CNNM3: variants seen among roughly 807,000 people sequenced by gnomAD.
CNNM3 encodes cyclin and CBS domain divalent metal cation transport mediator 3.
In CNNM3, 47 loss-of-function variants were observed where a neutral mutation model predicts 57.1. The ratio of observed to expected loss-of-function variants is 0.82; its 90% confidence interval spans 0.65 to 1.05. The LOEUF (loss-of-function observed/expected upper bound fraction) is 1.05, where lower values mean the gene tolerates loss of function less well. CNNM3 is among the 50% of genes least tolerant of loss of function. The probability of loss-of-function intolerance (pLI) is 0.00; values close to 1 mark genes in which losing one functional copy is unlikely to be tolerated. For missense variants in CNNM3, 957 were observed against 973.7 expected (o/e 0.98, Z 0.23); for synonymous variants, 507 against 478.2 (o/e 1.06, Z -0.79).
chr2:96,827,036 A>T (rs2079519768), intron 3 of CNNM3, 54 bp downstream of exon 3: 8 of 1,586,700 alleles, frequency 5.0e-6, no homozygotes, highest in Non-Finnish European at 6.9e-6. Flanking sequence ...TCTGTGGGTC[A>T]GGAGGCCGCC....
In CNNM3 at chr2:96,825,141, C is replaced by G; in HGVS notation, c.1309C>G (p.Leu437Val). The part of the protein sequence containing the change: ...PFYEVLGLVT[L>V]EDVIEEIIRS... ...CTACGAGGTCCTGGGCCTGGTCACCCTGGAGGACGTGATCGAGGAGATCAT... is the reference window on the plus strand; with the variant it reads ...CTACGAGGTCCTGGGCCTGGTCACCGTGGAGGACGTGATCGAGGAGATCAT... Residue 437 changes from leucine to valine, a missense_variant, in exon 2 of 8, where the codon CTG (leucine) becomes GTG (valine). By Grantham distance (32) the Leu-to-Val change is conservative. Coordinates refer to ENST00000305510, the MANE Select transcript of CNNM3 (RefSeq NM_017623.5). 6.2e-7 allele frequency: 1 copy of G among 1,614,144 alleles called. No individual in the cohort carries two copies. Among genetic ancestry groups the G allele is most frequent in the Non-Finnish European group, 8.5e-7 (1 of 1,180,008 alleles).
Position 96,832,798 on chromosome 2 carries a change from G to A in CNNM3, c.*182G>A, listed in dbSNP as rs942019562. 1.7e-5 allele frequency: 26 copies of A among 1,499,526 alleles called. No individual in the cohort carries two copies. Among genetic ancestry groups the A allele is most frequent in the Admixed American group, 1.5e-4 (7 of 47,984 alleles). 92.9% of individuals were successfully genotyped at this position (1,499,526 alleles called of 1,614,324 possible). ...ACATCAATGCCTGGATCCTTCAGCCGGCCCTGCCCTCCTTTAGGAGACAGG... is the reference window on the plus strand; with the variant it reads ...ACATCAATGCCTGGATCCTTCAGCCAGCCCTGCCCTCCTTTAGGAGACAGG... On this transcript the variant is annotated 3_prime_UTR_variant, in exon 8 of 8. Transcript: ENST00000305510.
rs1231863791 is a variant in CNNM3, at chr2:96,833,001, T to G, written c.*385T>G. Reference sequence around the variant, plus strand: ...TGTGAGTGCAGTTACTGCCTTTGTGTGGCCGTGACCTCTATTTGTTTGCTT... The same window carrying G: ...TGTGAGTGCAGTTACTGCCTTTGTGGGGCCGTGACCTCTATTTGTTTGCTT... On this transcript the variant is annotated 3_prime_UTR_variant, in exon 8 of 8. Coordinates refer to ENST00000305510, the MANE Select transcript of CNNM3 (RefSeq NM_017623.5). 1.5e-6 allele frequency: 2 copies of G among 1,327,680 alleles called. No homozygotes were observed. Among genetic ancestry groups the G allele is most frequent in the Admixed American group, 4.5e-5 (2 of 44,602 alleles). The allele number at this position is 1,327,680 out of a possible 1,614,324, so 82.2% of individuals were successfully genotyped here.
chr2:96,827,886 A>G lies in CNNM3; in HGVS notation c.1675A>G (p.Ile559Val). 2 of 1,612,312 alleles carry G rather than the reference A, an allele frequency of 1.2e-6. No individual in the cohort carries two copies. The highest frequency in any genetic ancestry group is 1.1e-5 in the South Asian group (1 of 90,998). Reference protein sequence around the residue: ...YQRSQPVDYFILILQGRVEVE... With the variant: ...YQRSQPVDYFVLILQGRVEVE... Reference sequence around the variant, plus strand: ...GCGCAGCCAGCCGGTGGATTACTTCATTCTCATCCTGCAGGTAGCTGTGGG... The same window carrying G: ...GCGCAGCCAGCCGGTGGATTACTTCGTTCTCATCCTGCAGGTAGCTGTGGG... Residue 559 changes from isoleucine to valine, a missense_variant, in exon 4 of 8, where the codon ATT (isoleucine) becomes GTT (valine). Around this residue, in one of 2 missense-constraint regions of CNNM3, gnomAD observed 491 missense variants for 570.6 expected, o/e 0.86. Transcript: ENST00000305510.
chr2:96,831,102 C>T (rs916306764), intron 7 of CNNM3, among the ~76,000 whole-genome samples: 2 of 152,158 alleles, frequency 1.3e-5, no homozygotes, highest in African/African-American at 4.8e-5. Flanking sequence ...TTCACTGGGC[C>T]GTCCTGTAAG....
Position 96,816,283 on chromosome 2 carries a change from G to GGCGGCGGTAGCT in CNNM3, c.14_25dup (p.Val5_Ala8dup), listed in dbSNP as rs781140937. 6.1e-5 allele frequency: 80 copies of GGCGGCGGTAGCT among 1,305,186 alleles called. No individual in the cohort carries two copies. The highest frequency in any genetic ancestry group is 7.0e-5 in the Non-Finnish European group (72 of 1,028,914). The allele number at this position is 1,305,186 out of a possible 1,614,324, so 80.9% of individuals were successfully genotyped here. A position where few individuals can be genotyped will look rare whatever the true frequency, so the allele number is the denominator to read the frequency against. The stretch of plus-strand genomic sequence containing the variant: ...CCGAGAGGGGGCAGCAGGCGATGGC[G>GGCGGCGGTAGCT]GCGGCGGTAGCTGCGGCGGGTCGGT... On this transcript the variant is annotated inframe_insertion, in exon 1 of 8. Transcript: ENST00000305510.
rs376394445 is a variant in CNNM3 at position 96,827,862 on chromosome 2, C to T, written c.1651C>T (p.Arg551Cys). 1.5e-5 allele frequency: 25 copies of T among 1,613,902 alleles called. No individual in the cohort carries two copies. Among genetic ancestry groups the T allele is most frequent in the Middle Eastern group, 3.3e-4 (2 of 6,060 alleles). Residue 551 changes from arginine to cysteine, a missense_variant, in exon 4 of 8, where the codon CGC becomes TGC. Transcript: ENST00000305510. Reference protein sequence around the residue: ...RLATHHYLYQRSQPVDYFILI... With the variant: ...RLATHHYLYQCSQPVDYFILI... ...GGCCACACACCACTACCTGTACCAGCGCAGCCAGCCGGTGGATTACTTCAT... is the reference window on the plus strand; with the variant it reads ...GGCCACACACCACTACCTGTACCAGTGCAGCCAGCCGGTGGATTACTTCAT...
At chr2:96,825,690 C>T (rs1028860088) in intron 2 of CNNM3, among the ~76,000 whole-genome samples, 3 of 141,486 alleles carry the variant, frequency 2.1e-5, no homozygotes, top group Non-Finnish European at 4.4e-5. Context: ...ATCACGAGAT[C>T]GGGAGTTCGA....
At position 96,816,733 on chromosome 2, in the gene CNNM3, A is replaced by G; in HGVS notation, c.456A>G (p.Arg152=). Residue 152 remains arginine (R), a synonymous_variant, in exon 1 of 8, where the codon CGA becomes CGG. Transcript: ENST00000305510. ...TGCTGGCGCTGGCAGCGCTGGCGCGAGGCCTGCAGCTGAGCGCGCTGGCGC... is the reference window on the plus strand; with the variant it reads ...TGCTGGCGCTGGCAGCGCTGGCGCGGGGCCTGCAGCTGAGCGCGCTGGCGC... ...AGLLALAALA[R]GLQLSALALA... is the part of the protein sequence containing the mutation. 1 of 1,012,778 alleles carries G rather than the reference A, an allele frequency of 9.9e-7. No homozygotes were observed. Among genetic ancestry groups the G allele is most frequent in the Non-Finnish European group, 1.2e-6 (1 of 850,236 alleles). 62.7% of individuals were successfully genotyped at this position (1,012,778 alleles called of 1,614,324 possible). A position where few individuals can be genotyped will look rare whatever the true frequency, so the allele number is the denominator to read the frequency against.
In CNNM3 at chr2:96,827,915, C is replaced by T. The variant is rs2079537290; in HGVS notation, c.1689+15C>T. ...TCATCCTGCAGGTAGCTGTGGGTCC[C>T]AGGCCTGGAGTCCCTCCTGCTTCCT... On this transcript the variant is annotated intron_variant, in intron 4 of 7. Transcript: ENST00000305510. The T allele has an allele frequency of 1.2e-6, 2 of 1,607,542 alleles. No individual in the cohort carries two copies. The highest frequency in any genetic ancestry group is 1.7e-6 in the Non-Finnish European group (2 of 1,175,464).
chr2:96,825,749 A>G (rs1158923341), intron 2 of CNNM3, among the ~76,000 whole-genome samples: 2 of 152,164 alleles, frequency 1.3e-5, no homozygotes, highest in African/African-American at 4.8e-5. Context: ...AAAAATACAA[A>G]CATTAGCTGG....
At position 96,825,085 on chromosome 2, in the gene CNNM3, A is replaced by G; in HGVS notation, c.1253A>G (p.Lys418Arg). Reference sequence around the variant, plus strand: ...AAGTCCCACCTGGCCATCGTGCAGAAGGTGAACAACGAGGGTGAAGGCGAC... The same window carrying G: ...AAGTCCCACCTGGCCATCGTGCAGAGGGTGAACAACGAGGGTGAAGGCGAC... The part of the protein sequence containing the change: ...RGKSHLAIVQ[K>R]VNNEGEGDPF... The change falls in exon 2 of 8, where the codon AAG becomes AGG. Residue 418 changes from lysine (K) to arginine (R), a missense_variant. By Grantham distance (26) the Lys-to-Arg change is conservative. Coordinates refer to ENST00000305510, the MANE Select transcript of CNNM3 (RefSeq NM_017623.5). 6.2e-7 allele frequency: 1 copy of G among 1,613,486 alleles called. No homozygotes were observed. Among genetic ancestry groups the G allele is most frequent in the East Asian group, 2.2e-5 (1 of 44,868 alleles).
In CNNM3 at chr2:96,832,780, T is replaced by C. The variant is rs980815975; in HGVS notation, c.*164T>C. The C allele has an allele frequency of 6.6e-7, 1 of 1,504,092 alleles. No individual in the cohort carries two copies. The highest frequency in any genetic ancestry group is 8.9e-7 in the Non-Finnish European group (1 of 1,128,894). The allele number at this position is 1,504,092 out of a possible 1,614,324, so 93.2% of individuals were successfully genotyped here. On this transcript the variant is annotated 3_prime_UTR_variant, in exon 8 of 8. Transcript: ENST00000305510. ...GGGTGTCCTCAGAACTAGACATCAA[T>C]GCCTGGATCCTTCAGCCGGCCCTGC...
chr2:96,832,688 T>G lies in CNNM3; in HGVS notation c.*72T>G. 1 of 1,598,658 alleles carries G rather than the reference T, an allele frequency of 6.3e-7. No homozygotes were observed. Among genetic ancestry groups the G allele is most frequent in the Non-Finnish European group, 8.5e-7 (1 of 1,176,396 alleles). ...GGAGCTGGAGTGAGCTGAGCAGAAG[T>G]TTTGTGCCCGCCTGCCCCCATCCCC... is the stretch of plus-strand genomic sequence containing the variant. On this transcript the variant is annotated 3_prime_UTR_variant, in exon 8 of 8. Coordinates refer to ENST00000305510, the MANE Select transcript of CNNM3 (RefSeq NM_017623.5).
At position 96,832,726 on chromosome 2, in the gene CNNM3, T is replaced by C. The variant is rs956001134; in HGVS notation, c.*110T>C. 4.4e-6 allele frequency: 7 copies of C among 1,574,464 alleles called. No individual in the cohort carries two copies. Among genetic ancestry groups the C allele is most frequent in the Admixed American group, 1.8e-5 (1 of 57,062 alleles). On this transcript the variant is annotated 3_prime_UTR_variant, in exon 8 of 8. Coordinates refer to ENST00000305510, the MANE Select transcript of CNNM3 (RefSeq NM_017623.5). ...TGCCCCCATCCCCTCCAGGCCACGTTTTAGATGGCCCTTGTAGTTGCGGGT... is the reference window on the plus strand; with the variant it reads ...TGCCCCCATCCCCTCCAGGCCACGTCTTAGATGGCCCTTGTAGTTGCGGGT...
Position 96,834,165 on chromosome 2 carries a change from G to T in CNNM3, c.*1549G>T, listed in dbSNP as rs1368113061. On this transcript the variant is annotated 3_prime_UTR_variant, in exon 8 of 8. Coordinates refer to ENST00000305510, the MANE Select transcript of CNNM3 (RefSeq NM_017623.5). ...ACTCCTGACCTCAGGTGATCTGCCT[G>T]CCTTGGCCTCCCAAAGTGCTGGGAT... Among the ~76,000 whole-genome samples the T allele has an allele frequency of 6.6e-6, 1 of 152,018 alleles. No individual in the cohort carries two copies. The highest frequency in any genetic ancestry group is 1.5e-5 in the Non-Finnish European group (1 of 68,008).
At chr2:96,830,014 A>C (rs2153356243) in intron 7 of CNNM3, among the ~76,000 whole-genome samples, 1 of 152,298 alleles carries the variant, frequency 6.6e-6, no homozygotes, top group Non-Finnish European at 1.5e-5. Context: ...AATCGAACTA[A>C]AGGTTGTGGG....
At chr2:96,827,686 C>A (rs753679398) in intron 3 of CNNM3, 45 bp from the exon 4 acceptor site, 2 of 1,574,628 alleles carry the variant, frequency 1.3e-6, no homozygotes, top group Non-Finnish European at 1.7e-6. Context: ...TTCCACTGGC[C>A]ACTAGGCCCC....
chr2:96,823,249 T>G (rs1039431722), intron 1 of CNNM3, among the ~76,000 whole-genome samples: 2 of 151,974 alleles, frequency 1.3e-5, no homozygotes, highest in East Asian at 3.9e-4. Context: ...AGCAAAGGAG[T>G]GAGTCCCTTT....
Sources: allele counts gnomAD v4.1 joint callset (sites outside exome capture counted in the v4.1 genomes callset), GRCh38; gene constraint gnomAD v4.1.1; regional missense constraint gnomAD v4.1.1; transcripts MANE v1.5; gene names NCBI Gene and HGNC (gene_info 2026-07-23, HGNC 2026-07-21).